Variants in GALNTL6 observed in about 807,000 individuals in gnomAD.
The protein encoded by GALNTL6 is polypeptide N-acetylgalactosaminyltransferase-like 6.
A neutral mutation model predicts 73.7 loss-of-function variants in GALNTL6; 46 were observed. That is an observed-to-expected ratio of 0.62 (90% CI 0.49 to 0.80). The LOEUF (loss-of-function observed/expected upper bound fraction) is 0.80, where lower values mean the gene tolerates loss of function less well. GALNTL6 is among the 30% of genes least tolerant of loss of function. The pLI is 0.00. For missense variants in GALNTL6, 604 were observed against 755.0 expected, an observed-to-expected ratio of 0.80 and a Z score of 2.34; for synonymous variants, 259 against 263.7, an observed-to-expected ratio of 0.98 and a Z score of 0.17.
At chr4:171,958,026 T>G (rs1739108154) in intron 2 of GALNTL6, among the ~76,000 whole-genome samples, 1 of 152,172 alleles carries the variant, frequency 6.6e-6, no homozygotes, top group Non-Finnish European at 1.5e-5. Context: ...AGCACCTTTG[T>G]GTAAGTAATA....
chr4:172,786,125 G>GAA (rs376095222), intron 5 of GALNTL6, among the ~76,000 whole-genome samples: 4 of 144,004 alleles, frequency 2.8e-5, no homozygotes, highest in South Asian at 2.2e-4. Flanking sequence ...AGACACTAAT[G>GAA]AAAAAAAAAA....
rs1739351482 is a variant in GALNTL6 at position 171,965,239 on chromosome 4, A to G, written c.138+150521A>G. Among the ~76,000 whole-genome samples the G allele has an allele frequency of 3.3e-5, 5 of 152,216 alleles. No individual in the cohort carries two copies. In the South Asian group the frequency reaches 8.3e-4, roughly 25 times the overall value. On this transcript the variant is annotated intron_variant, in intron 2 of 12. Coordinates refer to ENST00000506823, the MANE Select transcript of GALNTL6 (RefSeq NM_001034845.3). ...AAGAAGCTCACCTTGCATTTTGATC[A>G]TTAGTATGCCAAATAAATGTAGAAT...
At chr4:172,574,070 A>G (rs566708805) in intron 5 of GALNTL6, among the ~76,000 whole-genome samples, 3 of 152,280 alleles carry the variant, frequency 2.0e-5, no homozygotes, top group Non-Finnish European at 4.4e-5. Context: ...AACAAAAAAA[A>G]AGGAAACTTT....
At chr4:172,156,549 A>ATACTATATATATATATATATATAG (rs1553997719) in intron 2 of GALNTL6, among the ~76,000 whole-genome samples, 1 of 65,942 alleles carries the variant, frequency 1.5e-5, no homozygotes, top group African/African-American at 5.9e-5. Flanking sequence ...TAATATATAT[A>ATACTATATATATATATATATATAG]TATATATATA....
chr4:173,013,753 A>T (rs1752659081), intron 11 of GALNTL6, among the ~76,000 whole-genome samples: 2 of 152,160 alleles, frequency 1.3e-5, no homozygotes, highest in South Asian at 4.1e-4. Flanking sequence ...AGTAGGATTA[A>T]ATAAGGTTGA....
intron 2 of GALNTL6, among the ~76,000 whole-genome samples, chr4:171,987,888 G>T (rs944018544): frequency 6.6e-6 from 1 of 152,268 alleles, no homozygotes; most frequent in East Asian, 1.9e-4. Context: ...GTCAGGTGTG[G>T]TATCAGGAAT....
intron 8 of GALNTL6, among the ~76,000 whole-genome samples, chr4:172,888,396 T>C (rs921682448): frequency 6.6e-6 from 1 of 152,226 alleles, no homozygotes; most frequent in African/African-American, 2.4e-5. Flanking sequence ...GTTTCATTCT[T>C]CTGCATATAG....
intron 3 of GALNTL6, among the ~76,000 whole-genome samples, chr4:172,281,464 G>C (rs1304933944): frequency 6.6e-6 from 1 of 152,108 alleles, no homozygotes; most frequent in Non-Finnish European, 1.5e-5. Flanking sequence ...GGAGGCCAAG[G>C]CAGTCGGATC....
chr4:171,981,504 G>A (rs1047982778), intron 2 of GALNTL6, among the ~76,000 whole-genome samples: 30 of 152,208 alleles, frequency 2.0e-4, no homozygotes, highest in African/African-American at 6.8e-4. Flanking sequence ...AATTATGAGG[G>A]AGGTATGGAG....
intron 5 of GALNTL6, among the ~76,000 whole-genome samples, chr4:172,765,023 A>G (rs1738326225): frequency 6.6e-6 from 1 of 152,228 alleles, no homozygotes; most frequent in Admixed American, 6.5e-5. Flanking sequence ...ATTCTCTGGA[A>G]CTAGCATAAT....
intron 5 of GALNTL6, among the ~76,000 whole-genome samples, chr4:172,490,764 C>T (rs371195040): frequency 6.6e-6 from 1 of 152,068 alleles, no homozygotes; most frequent in Admixed American, 6.6e-5. Context: ...CTGTACCAGG[C>T]CTGAGAGTTC....
At chr4:171,950,743 G>T (rs1738853973) in intron 2 of GALNTL6, among the ~76,000 whole-genome samples, 1 of 152,072 alleles carries the variant, frequency 6.6e-6, no homozygotes, top group African/African-American at 2.4e-5. Context: ...CTCCCAGAGT[G>T]CTGGGATTAC....
intron 5 of GALNTL6, among the ~76,000 whole-genome samples, chr4:172,409,763 T>C (rs1373480646): frequency 6.6e-6 from 1 of 152,044 alleles, no homozygotes; most frequent in South Asian, 2.1e-4. Context: ...ATTAAAGCAA[T>C]TACTGTATAG....
In GALNTL6 at chr4:172,568,878, T is replaced by C. The variant is rs148753891; in HGVS notation, c.553+220189T>C. 3.2e-4 allele frequency among the ~76,000 whole-genome samples: 49 copies of C among 151,994 alleles called. 1 individual carries two copies. In the East Asian group the frequency reaches 9.4e-3, roughly 29 times the overall value. On this transcript the variant is annotated intron_variant, in intron 5 of 12. Transcript: ENST00000506823. ...TTGCATGCAGCCTGACACAACTTCG[T>C]AAACTTTCTTAAAACATTATGAGAT...
chr4:172,694,613 T>C (rs1733568992), intron 5 of GALNTL6, among the ~76,000 whole-genome samples: 1 of 152,122 alleles, frequency 6.6e-6, no homozygotes, highest in Non-Finnish European at 1.5e-5. Context: ...AAATCAGTGA[T>C]CTATGGGGGC....
intron 5 of GALNTL6, among the ~76,000 whole-genome samples, chr4:172,583,142 A>G (rs1737259633): frequency 6.7e-6 from 1 of 148,604 alleles, no homozygotes; most frequent in African/African-American, 2.6e-5. Context: ...TCACACATAC[A>G]CACACACACA....
intron 2 of GALNTL6, among the ~76,000 whole-genome samples, chr4:171,945,366 C>T (rs755218248): frequency 4.3e-4 from 66 of 152,030 alleles, no homozygotes; most frequent in Non-Finnish European, 7.2e-4. Flanking sequence ...CTTATTTTTT[C>T]TCAAAGTTTT....
At chr4:172,023,619 T>C (rs1003813592) in intron 2 of GALNTL6, among the ~76,000 whole-genome samples, 22 of 151,942 alleles carry the variant, frequency 1.4e-4, no homozygotes, top group Admixed American at 6.6e-5. Flanking sequence ...AACTTAGCTA[T>C]AGATTTTTAA....
intron 5 of GALNTL6, among the ~76,000 whole-genome samples, chr4:172,444,230 T>C (rs1030028274): frequency 6.6e-6 from 1 of 152,250 alleles, no homozygotes; most frequent in Admixed American, 6.5e-5. Context: ...GTTCAAACCA[T>C]CTTTTATGCC....
Sources: gnomAD v4.1 joint callset for allele counts (sites outside exome capture counted in the v4.1 genomes callset) on GRCh38, gnomAD v4.1.1 for gene constraint, MANE v1.5 for transcripts, NCBI Gene and HGNC (gene_info 2026-07-23, HGNC 2026-07-21) for gene names.